Variants in NRG3 observed in about 807,000 individuals in gnomAD.
The protein encoded by NRG3 is pro-neuregulin-3, membrane-bound isoform.
Under a neutral mutation model 66.9 loss-of-function variants are expected in NRG3, and 31 were observed. The observed-to-expected ratio is 0.46, with a 90% CI of 0.35 to 0.63. The LOEUF is 0.63. NRG3 is among the 20% of genes least tolerant of loss of function. The pLI is 0.00. For missense variants in NRG3, 910 were observed against 878.9 expected, an observed-to-expected ratio of 1.04 and a Z score of -0.45; for synonymous variants, 393 against 359.4, an observed-to-expected ratio of 1.09 and a Z score of -1.06.
chr10:81,954,696 AG>A (rs1184539427), intron 1 of NRG3, among the ~76,000 whole-genome samples: 1 of 152,152 alleles, frequency 6.6e-6, no homozygotes, highest in East Asian at 1.9e-4. Context: ...GGTGTGAATG[AG>A]GGCATTCTAA....
intron 1 of NRG3, among the ~76,000 whole-genome samples, chr10:82,321,022 C>A (rs1432514588): frequency 6.6e-6 from 1 of 152,214 alleles, no homozygotes; most frequent in African/African-American, 2.4e-5. Context: ...TCACCTGATT[C>A]TTTCTGGATG....
chr10:82,099,111 A>G (rs1413271972), intron 1 of NRG3, among the ~76,000 whole-genome samples: 2 of 152,082 alleles, frequency 1.3e-5, no homozygotes, highest in Non-Finnish European at 2.9e-5. Context: ...ATAAATTATG[A>G]TTTCTTTTTT....
intron 4 of NRG3, among the ~76,000 whole-genome samples, chr10:82,916,345 A>G (rs927879276): frequency 1.3e-5 from 2 of 152,130 alleles, no homozygotes; most frequent in African/African-American, 2.4e-5. Flanking sequence ...CCAGCTACTG[A>G]AAAGGCTGAG....
At chr10:82,307,841 G>A (rs1021780349) in intron 1 of NRG3, among the ~76,000 whole-genome samples, 1 of 151,370 alleles carries the variant, frequency 6.6e-6, no homozygotes, top group African/African-American at 2.4e-5. Context: ...GGCATCTCTG[G>A]ATGGTTTCAC....
intron 2 of NRG3, among the ~76,000 whole-genome samples, chr10:82,598,054 GC>G (rs1416709952): frequency 2.6e-5 from 4 of 152,080 alleles, no homozygotes; most frequent in Admixed American, 6.5e-5. Flanking sequence ...CTAGAGCTCT[GC>G]TGTGTTGCTA....
At chr10:82,915,070 G>A (rs1024563511) in intron 4 of NRG3, among the ~76,000 whole-genome samples, 1 of 152,170 alleles carries the variant, frequency 6.6e-6, no homozygotes, top group Non-Finnish European at 1.5e-5. Context: ...TCTAAGGCTG[G>A]TCCTGCAGAA....
chr10:82,134,321 G>T (rs557762253), intron 1 of NRG3, among the ~76,000 whole-genome samples: 1 of 152,240 alleles, frequency 6.6e-6, no homozygotes, highest in African/African-American at 2.4e-5. Context: ...TGTCTGTCAT[G>T]AAATTTTTGC....
chr10:82,737,383 C>G (rs1196866833), intron 2 of NRG3, among the ~76,000 whole-genome samples: 1 of 152,100 alleles, frequency 6.6e-6, no homozygotes, highest in African/African-American at 2.4e-5. Context: ...TGCAATAGAC[C>G]TTATTTAATA....
chr10:82,289,872 G>A (rs2079625728), intron 1 of NRG3, among the ~76,000 whole-genome samples: 1 of 152,182 alleles, frequency 6.6e-6, no homozygotes, highest in African/African-American at 2.4e-5. Flanking sequence ...TCCACTTGGT[G>A]TCTGCCTCTA....
intron 2 of NRG3, among the ~76,000 whole-genome samples, chr10:82,559,596 G>A (rs1483062544): frequency 6.6e-6 from 1 of 152,140 alleles, no homozygotes; most frequent in African/African-American, 2.4e-5. Context: ...CAACCCAGAA[G>A]GACAGCTTGT....
intron 2 of NRG3, among the ~76,000 whole-genome samples, chr10:82,373,457 C>A (rs915906553): frequency 6.6e-6 from 1 of 152,164 alleles, no homozygotes; most frequent in Non-Finnish European, 1.5e-5. Context: ...CCCTGGAGTC[C>A]TCTGACAGCA....
chr10:82,839,047 A>T (rs2062922343), intron 3 of NRG3, among the ~76,000 whole-genome samples: 1 of 152,146 alleles, frequency 6.6e-6, no homozygotes, highest in African/African-American at 2.4e-5. Flanking sequence ...CGCTCCCATT[A>T]TATCCCACTG....
intron 2 of NRG3, among the ~76,000 whole-genome samples, chr10:82,403,654 G>A (rs1215970941): frequency 3.9e-5 from 6 of 152,104 alleles, no homozygotes; most frequent in Non-Finnish European, 8.8e-5. Flanking sequence ...TTTTCATATG[G>A]TTCTTCCTCC....
intron 3 of NRG3, among the ~76,000 whole-genome samples, chr10:82,791,248 G>A (rs1055317494): frequency 1.1e-4 from 16 of 150,814 alleles, no homozygotes; most frequent in African/African-American, 3.9e-4. Context: ...CTGAAAATCA[G>A]ATTCACCTCC....
intron 1 of NRG3, among the ~76,000 whole-genome samples, chr10:82,190,391 A>G (rs1358791799): frequency 2.6e-5 from 4 of 152,186 alleles, no homozygotes; most frequent in African/African-American, 9.7e-5. Flanking sequence ...GAAATAGATA[A>G]TTTAAGTACT....
At chr10:82,678,991 CATT>C (rs2053917735) in intron 2 of NRG3, among the ~76,000 whole-genome samples, 1 of 152,174 alleles carries the variant, frequency 6.6e-6, no homozygotes, top group African/African-American at 2.4e-5. Flanking sequence ...GAAATGTAGA[CATT>C]GTTGTTAGAC....
At chr10:82,520,951 C>G (rs1846122263) in intron 2 of NRG3, among the ~76,000 whole-genome samples, 1 of 152,100 alleles carries the variant, frequency 6.6e-6, no homozygotes, top group Non-Finnish European at 1.5e-5. Context: ...AAATACAAGA[C>G]TCCCTGTTAA....
intron 1 of NRG3, among the ~76,000 whole-genome samples, chr10:82,093,021 C>T (rs2066122265): frequency 6.6e-6 from 1 of 152,142 alleles, no homozygotes; most frequent in African/African-American, 2.4e-5. Context: ...GGCAGGGTCA[C>T]CTGTTAGCTT....
chr10:82,408,085 C>G (rs7475097), intron 2 of NRG3, among the ~76,000 whole-genome samples: 4,420 of 73,546 alleles, frequency 0.06, 71 homozygotes, highest in African/African-American at 0.087. Context: ...GAGAGAGAGA[C>G]AGAAAGAAAG....
Sources: allele counts gnomAD v4.1 joint callset (sites outside exome capture counted in the v4.1 genomes callset), GRCh38; gene constraint gnomAD v4.1.1; transcripts MANE v1.5; gene names NCBI Gene and HGNC (gene_info 2026-07-23, HGNC 2026-07-21).